FMOD: variants seen among roughly 807,000 people sequenced by gnomAD.
The protein encoded by FMOD is KSPG fibromodulin.
FMOD carries 15 observed loss-of-function variants against 27.0 expected under a neutral mutation model. The observed-to-expected ratio is 0.55, with a 90% CI of 0.37 to 0.85. FMOD has a LOEUF of 0.85. Ranked by LOEUF, FMOD falls within the 40% of genes least tolerant of loss-of-function variation. The pLI is 0.00. For synonymous variants in FMOD, 210 were observed against 214.0 expected (o/e 0.98, Z 0.16); for missense variants, 460 against 483.2 (o/e 0.95, Z 0.45).
At chr1:203,343,898 A>T (rs964427529) in intron 2 of FMOD, among the ~76,000 whole-genome samples, 4 of 152,358 alleles carry the variant, frequency 2.6e-5, no homozygotes, top group African/African-American at 9.6e-5. Flanking sequence ...ACTGACCAAG[A>T]TAAGATGAGG....
chr1:203,342,651 G>A (rs532168636), intron 2 of FMOD, among the ~76,000 whole-genome samples, 157 bp from the exon 3 acceptor site: 8 of 152,298 alleles, frequency 5.3e-5, no homozygotes, highest in South Asian at 4.1e-4. Flanking sequence ...ACTTACTGGC[G>A]CCACTAGGGG....
intron 1 of FMOD, 78 bp downstream of exon 1, chr1:203,350,955 C>T (rs1269456589): frequency 6.6e-6 from 1 of 152,260 alleles, no homozygotes; most frequent in Admixed American, 6.5e-5. Context: ...CCCCATCTCC[C>T]CTATCCCCTA....
chr1:203,348,342 A>T, intron 1 of FMOD, 65 bp from the exon 2 acceptor site: 1 of 1,520,004 alleles, frequency 6.6e-7, no homozygotes, highest in Non-Finnish European at 8.9e-7. Flanking sequence ...GCAGTGAGGC[A>T]GAGTAGGCAA....
In FMOD at chr1:203,347,714, T is replaced by A; in HGVS notation, c.557A>T (p.Asn186Ile). The change falls in exon 2 of 3, where the codon AAC (asparagine) becomes ATC (isoleucine). Residue 186 changes from asparagine to isoleucine, a missense_variant. By Grantham distance (149) the Asn-to-Ile change is moderately radical. Transcript: ENST00000354955. ...RSLRELHLDH[N>I]QISRVPNNAL... Reference sequence around the variant, plus strand: ...ATTGTTGGGGACCCGTGAGATCTGGTTGTGGTCGAGATGGAGCTCTCTCAG... The same window carrying A: ...ATTGTTGGGGACCCGTGAGATCTGGATGTGGTCGAGATGGAGCTCTCTCAG... 1 of 1,613,848 alleles carries A rather than the reference T, an allele frequency of 6.2e-7. No homozygotes were observed. Among genetic ancestry groups the A allele is most frequent in the East Asian group, 2.2e-5 (1 of 44,874 alleles).
intron 1 of FMOD, among the ~76,000 whole-genome samples, chr1:203,350,300 C>T (rs181055483): frequency 1.7e-4 from 26 of 152,346 alleles, no homozygotes; most frequent in Admixed American, 6.5e-4. Context: ...TAGTCTTACA[C>T]TGTTTCCCAT....
rs758437090 is a variant in FMOD, at chr1:203,347,474, C to A, written c.797G>T (p.Gly266Val). 6.2e-7 allele frequency: 1 copy of A among 1,614,168 alleles called. No homozygotes were observed. Among genetic ancestry groups the A allele is most frequent in the Admixed American group, 1.7e-5 (1 of 60,024 alleles). ...VYTVPDSYFR[G>V]APKLLYVRLS... ...CCGCACATACAGCAGCTTGGGCGCCCCCCGGAAGTAGCTATCGGGGACGGT... is the reference window on the plus strand; with the variant it reads ...CCGCACATACAGCAGCTTGGGCGCCACCCGGAAGTAGCTATCGGGGACGGT... The change falls in exon 2 of 3, where the codon GGG (glycine) becomes GTG (valine). Residue 266 changes from glycine to valine, a missense_variant. Transcript: ENST00000354955.
chr1:203,350,565 T>C (rs6661590), intron 1 of FMOD, among the ~76,000 whole-genome samples: 140,796 of 151,216 alleles, frequency 0.93, 66,177 homozygotes, highest in East Asian at 1. Flanking sequence ...TATTCTCTCC[T>C]TTCCACTCCA....
rs777946743 is a variant in FMOD at position 203,347,396 on chromosome 1, G to A, written c.875C>T (p.Ser292Phe). The stretch of plus-strand genomic sequence containing the variant: ...GAGGTCTAGCTCAAGGAGGCTGCTG[G>A]AATTGAAGGTGTTGGAGGCCAGGCC... The part of the protein sequence containing the change: ...NNGLASNTFN[S>F]SSLLELDLSY... The change falls in exon 2 of 3, where the codon TCC (serine) becomes TTC (phenylalanine). Residue 292 changes from serine to phenylalanine, a missense_variant. Ser to Phe is a radical substitution (Grantham distance 155, BLOSUM62 -2). Coordinates refer to ENST00000354955, the MANE Select transcript of FMOD (RefSeq NM_002023.5). 6.2e-7 allele frequency: 1 copy of A among 1,614,206 alleles called. No homozygotes were observed. The highest frequency in any genetic ancestry group is 8.5e-7 in the Non-Finnish European group (1 of 1,180,026).
chr1:203,345,882 AG>A (rs1349876133), intron 2 of FMOD, among the ~76,000 whole-genome samples: 3 of 120,884 alleles, frequency 2.5e-5, no homozygotes, highest in African/African-American at 8.9e-5. Flanking sequence ...TGGGTGACAG[AG>A]CGAGACTCTG....
At chr1:203,349,315 C>G (rs1009342756) in intron 1 of FMOD, among the ~76,000 whole-genome samples, 1 of 152,184 alleles carries the variant, frequency 6.6e-6, no homozygotes, top group African/African-American at 2.4e-5. Flanking sequence ...TCCCAAGCTA[C>G]CTGCTCCCAG....
At chr1:203,350,278 T>C (rs1658967785) in intron 1 of FMOD, among the ~76,000 whole-genome samples, 1 of 152,218 alleles carries the variant, frequency 6.6e-6, no homozygotes, top group South Asian at 2.1e-4. Context: ...GCAATGTTGC[T>C]TCAGGGTTGC....
intron 2 of FMOD, among the ~76,000 whole-genome samples, chr1:203,346,232 G>C (rs883151): frequency 1.3e-5 from 2 of 152,092 alleles, no homozygotes; most frequent in Admixed American, 1.3e-4. Flanking sequence ...CTTTGATGGT[G>C]CGGTTCTATC....
Position 203,348,218 on chromosome 1 carries a change from G to A in FMOD, c.53C>T (p.Ala18Val). ...LLAGLFSLSQ[A>V]QYEDDPHWWF... ...CCAATGAGGGTCATCTTCATACTGGGCCTGGGAGAGGGAGAAGAGCCCTGC... is the reference window on the plus strand; with the variant it reads ...CCAATGAGGGTCATCTTCATACTGGACCTGGGAGAGGGAGAAGAGCCCTGC... The change falls in exon 2 of 3, where the codon GCC becomes GTC. Residue 18 changes from alanine (A) to valine (V), a missense_variant. Physicochemically the swap from Ala to Val is moderately conservative, Grantham distance 64. Coordinates refer to ENST00000354955, the MANE Select transcript of FMOD (RefSeq NM_002023.5). 1 of 1,614,170 alleles carries A rather than the reference G, an allele frequency of 6.2e-7. No homozygotes were observed. The highest frequency in any genetic ancestry group is 8.5e-7 in the Non-Finnish European group (1 of 1,180,024).
chr1:203,347,827 C>T lies in FMOD; in HGVS notation c.444G>A (p.Arg148=). 1 of 1,614,056 alleles carries T rather than the reference C, an allele frequency of 6.2e-7. No individual in the cohort carries two copies. Residue 148 remains arginine, a synonymous_variant, in exon 2 of 3, where the codon AGG becomes AGA. Transcript: ENST00000354955. ...GGTGCCTCAGCTTGGAGAAGACCTT[C>T]CTGCCCACCTTATCACTGGTGATCT... The part of the protein sequence containing the change: ...GNQITSDKVG[R]KVFSKLRHLE...
intron 2 of FMOD, 124 bp from the exon 3 acceptor site, chr1:203,342,618 A>C (rs1658815086): frequency 6.3e-6 from 6 of 946,776 alleles, no homozygotes; most frequent in Non-Finnish European, 9.5e-6. Flanking sequence ...TGGAGGGCAG[A>C]TGTTTTCCAG....
At chr1:203,348,718 G>A (rs1215337343) in intron 1 of FMOD, among the ~76,000 whole-genome samples, 1 of 152,200 alleles carries the variant, frequency 6.6e-6, no homozygotes, top group Non-Finnish European at 1.5e-5. Context: ...ATGTTCCGGG[G>A]AAATAGTATT....
In FMOD at chr1:203,347,286, T is replaced by C. The variant is rs1273703103; in HGVS notation, c.979+6A>G. ...CAGTCCCCGCCTCCCTTTGCCAAGG[T>C]CTCACCATTGATCCTATTGCCTTGG... On this transcript the variant is annotated splice_donor_region_variant and intron_variant, in intron 2 of 2. Transcript: ENST00000354955. 3 of 1,601,576 alleles carry C rather than the reference T, an allele frequency of 1.9e-6. No homozygotes were observed. In the African/African-American group the frequency reaches 4.0e-5, roughly 21 times the overall value.
chr1:203,344,371 A>G (rs1214032859), intron 2 of FMOD, among the ~76,000 whole-genome samples: 1 of 152,194 alleles, frequency 6.6e-6, no homozygotes, highest in African/African-American at 2.4e-5. Context: ...TATGGACTCT[A>G]GCCACATACT....
At chr1:203,345,937 CCCA>C (rs1658880436) in intron 2 of FMOD, among the ~76,000 whole-genome samples, 2 of 149,998 alleles carry the variant, frequency 1.3e-5, no homozygotes, top group Non-Finnish European at 3.0e-5. Flanking sequence ...CCCCTCAATC[CCCA>C]CCTTGGGAAT....
Sources: allele counts gnomAD v4.1 joint callset (sites outside exome capture counted in the v4.1 genomes callset), GRCh38; gene constraint gnomAD v4.1.1; transcripts MANE v1.5; gene names NCBI Gene and HGNC (gene_info 2026-07-23, HGNC 2026-07-21).